Variants in RALGAPA1 observed in about 807,000 individuals in gnomAD.
RALGAPA1 encodes ral GTPase-activating protein subunit alpha-1.
Under a neutral mutation model 269.6 loss-of-function variants are expected in RALGAPA1, and 52 were observed. The observed-to-expected ratio is 0.19, with a 90% CI of 0.15 to 0.24. The LOEUF (loss-of-function observed/expected upper bound fraction) is 0.24. Ranked by LOEUF, RALGAPA1 falls within the 10% of genes least tolerant of loss-of-function variation. The pLI, the probability that RALGAPA1 is intolerant of heterozygous loss-of-function variation, is 1.00. For synonymous variants in RALGAPA1, 817 were observed against 1,008.3 expected (o/e 0.81, Z 3.60); for missense variants, 1,917 against 3,013.9 (o/e 0.64, Z 8.52).
Position 35,627,755 on chromosome 14 carries a change from C to T in RALGAPA1, c.6192G>A (p.Gln2064=). The T allele has an allele frequency of 2.5e-6, 4 of 1,613,622 alleles. No homozygotes were observed. Among genetic ancestry groups the T allele is most frequent in the Non-Finnish European group, 3.4e-6 (4 of 1,179,794 alleles). ...AGGTTGTATTATTTAACACAAAGAACTGGATATTTGGACTCTCAAAGAGTT... is the reference window on the plus strand; with the variant it reads ...AGGTTGTATTATTTAACACAAAGAATTGGATATTTGGACTCTCAAAGAGTT... ...SPELFESPNI[Q]FFVLNNTTLV... Residue 2064 remains glutamine (Q), a synonymous_variant, in exon 34 of 42, where the codon CAG becomes CAA. Coordinates refer to ENST00000680220, the MANE Select transcript of RALGAPA1 (RefSeq NM_001346249.2).
intron 33 of RALGAPA1, among the ~76,000 whole-genome samples, chr14:35,632,763 C>T (rs1168932526): frequency 6.6e-6 from 1 of 152,130 alleles, no homozygotes. Flanking sequence ...CTTGTTCAAT[C>T]CAGTACTGAG....
chr14:35,559,195 C>T (rs1374743494), intron 39 of RALGAPA1, among the ~76,000 whole-genome samples: 1 of 152,116 alleles, frequency 6.6e-6, no homozygotes, highest in African/African-American at 2.4e-5. Context: ...GTGACCCATA[C>T]TTTAATTTTA....
rs143799293 is a variant in RALGAPA1 at position 35,737,340 on chromosome 14, A to C, written c.1587+1173T>G. On this transcript the variant is annotated intron_variant, in intron 12 of 41. Coordinates refer to ENST00000680220, the MANE Select transcript of RALGAPA1 (RefSeq NM_001346249.2). ...AGAGGGAATGTAAATTATTCTGACA[A>C]AGTGGAGAACAATTGGGCGATAATA... Among the ~76,000 whole-genome samples, 666 of 152,304 alleles carry C rather than the reference A, an allele frequency of 4.4e-3. 5 individuals are homozygous for C. The highest frequency in any genetic ancestry group is 0.015 in the African/African-American group (638 of 41,570).
In RALGAPA1 at chr14:35,627,614, T is replaced by C. The variant is rs370198318; in HGVS notation, c.6333A>G (p.Lys2111=). The change falls in exon 34 of 42, where the codon AAA becomes AAG. Residue 2111 remains lysine, a synonymous_variant. Coordinates refer to ENST00000680220, the MANE Select transcript of RALGAPA1 (RefSeq NM_001346249.2). ...ACAGTATAGCAGAATCCCATGAATATTTTCCAGAGAGATCACGTACTATGA... is the reference window on the plus strand; with the variant it reads ...ACAGTATAGCAGAATCCCATGAATACTTTCCAGAGAGATCACGTACTATGA... ...VRIIVRDLSG[K]YSWDSAILYG... is the part of the protein sequence containing the mutation. The C allele has an allele frequency of 3.6e-5, 57 of 1,582,252 alleles. No individual in the cohort carries two copies. In the African/African-American group the frequency reaches 7.6e-4, roughly 21 times the overall value.
At chr14:35,554,023 G>C (rs543019460) in intron 39 of RALGAPA1, among the ~76,000 whole-genome samples, 1 of 152,274 alleles carries the variant, frequency 6.6e-6, no homozygotes, top group South Asian at 2.1e-4. Flanking sequence ...TCCAAAAATA[G>C]TAAGCACAGG....
chr14:35,583,093 C>A (rs554696880), intron 37 of RALGAPA1, among the ~76,000 whole-genome samples: 10 of 152,234 alleles, frequency 6.6e-5, no homozygotes, highest in South Asian at 2.1e-4. Context: ...AGAGACTGAA[C>A]AAGCATCAGA....
At chr14:35,553,349 G>A (rs1280029892) in intron 39 of RALGAPA1, among the ~76,000 whole-genome samples, 2 of 152,156 alleles carry the variant, frequency 1.3e-5, no homozygotes, top group Admixed American at 1.3e-4. Flanking sequence ...CTGATGCAAG[G>A]AAACTGATTT....
intron 7 of RALGAPA1, among the ~76,000 whole-genome samples, chr14:35,752,935 C>A (rs1172598681): frequency 6.6e-6 from 1 of 152,074 alleles, no homozygotes; most frequent in Non-Finnish European, 1.5e-5. Context: ...CCAGAATGAA[C>A]CCTGTGGTAC....
chr14:35,653,949 G>A (rs775998806), intron 30 of RALGAPA1, among the ~76,000 whole-genome samples: 7 of 152,162 alleles, frequency 4.6e-5, no homozygotes, highest in African/African-American at 9.7e-5. Context: ...TTATAAAGAC[G>A]ATGACATAAG....
intron 17 of RALGAPA1, 30 bp downstream of exon 17, chr14:35,700,132 T>C (rs1357614364): frequency 4.0e-6 from 6 of 1,502,198 alleles, no homozygotes; most frequent in Non-Finnish European, 5.3e-6. Context: ...GTGAAAAAGG[T>C]GGTGCAGAAA....
chr14:35,710,214 T>C (rs2068184156), intron 16 of RALGAPA1, among the ~76,000 whole-genome samples: 1 of 152,264 alleles, frequency 6.6e-6, no homozygotes, highest in South Asian at 2.1e-4. Context: ...GATACCCTGT[T>C]GTTACTGAAC....
intron 1 of RALGAPA1, among the ~76,000 whole-genome samples, chr14:35,806,125 T>G (rs1411773032): frequency 6.6e-6 from 1 of 152,204 alleles, no homozygotes; most frequent in Non-Finnish European, 1.5e-5. Context: ...TATGTGCAGT[T>G]TATTGTGTGC....
intron 39 of RALGAPA1, among the ~76,000 whole-genome samples, chr14:35,552,411 A>G (rs1168718119): frequency 6.6e-6 from 1 of 152,194 alleles, no homozygotes; most frequent in African/African-American, 2.4e-5. Context: ...AAGAGTTATT[A>G]GTACATATAC....
chr14:35,808,660 C>T, intron 1 of RALGAPA1, 70 bp downstream of exon 1: 2 of 1,517,608 alleles, frequency 1.3e-6, no homozygotes, highest in Non-Finnish European at 1.8e-6. Flanking sequence ...GAGAGAGAGT[C>T]CGCAGGGGCT....
At chr14:35,796,944 C>T (rs769937862) in intron 1 of RALGAPA1, among the ~76,000 whole-genome samples, 30 of 152,022 alleles carry the variant, frequency 2.0e-4, no homozygotes, top group Non-Finnish European at 3.2e-4. Flanking sequence ...CGTGCCACCA[C>T]ACCGGGTTAA....
At chr14:35,678,688 T>C (rs1340158550) in intron 21 of RALGAPA1, among the ~76,000 whole-genome samples, 1 of 152,174 alleles carries the variant, frequency 6.6e-6, no homozygotes, top group Non-Finnish European at 1.5e-5. Context: ...GGTTCTCAAG[T>C]CTCTCTATAA....
At chr14:35,802,735 G>T (rs1246583970) in intron 1 of RALGAPA1, among the ~76,000 whole-genome samples, 2 of 150,578 alleles carry the variant, frequency 1.3e-5, no homozygotes, top group African/African-American at 2.4e-5. Context: ...AGGCTGGAGT[G>T]CAGTGGTGCA....
intron 16 of RALGAPA1, among the ~76,000 whole-genome samples, chr14:35,708,843 C>T (rs2140785238): frequency 6.6e-6 from 1 of 152,276 alleles, no homozygotes; most frequent in East Asian, 1.9e-4. Context: ...ATGGAAGCAA[C>T]CTAAGTGTCC....
rs746851099 is a variant in RALGAPA1, at chr14:35,572,223, A to T, written c.7368+337T>A. On this transcript the variant is annotated intron_variant, in intron 38 of 41. Transcript: ENST00000680220. ...ATAGGAATCATATAGTCCTATTATA[A>T]AGTAAATGATTACTTCTTACTGTGA... 4.8e-4 allele frequency among the ~76,000 whole-genome samples: 73 copies of T among 152,198 alleles called. 1 individual carries two copies. The highest frequency in any genetic ancestry group is 2.6e-4 in the Admixed American group (4 of 15,280).
Sources: allele counts gnomAD v4.1 joint callset (sites outside exome capture counted in the v4.1 genomes callset), GRCh38; gene constraint gnomAD v4.1.1; transcripts MANE v1.5; gene names NCBI Gene and HGNC (gene_info 2026-07-23, HGNC 2026-07-21).